RB1: variants seen among roughly 807,000 people sequenced by gnomAD.
The protein encoded by RB1 is RB transcriptional corepressor 1.
A neutral mutation model predicts 135.4 loss-of-function variants in RB1; 18 were observed. That is an observed-to-expected ratio of 0.13 (90% CI 0.09 to 0.20). RB1 has a LOEUF of 0.20. Ranked by LOEUF, RB1 falls within the 10% of genes least tolerant of loss-of-function variation. The pLI is 1.00. For synonymous variants in RB1, 365 were observed against 373.2 expected (o/e 0.98, Z 0.25); for missense variants, 868 against 1,110.0 (o/e 0.78, Z 3.10).
intron 17 of RB1, among the ~76,000 whole-genome samples, chr13:48,409,852 T>G (rs1344433722): frequency 6.6e-6 from 1 of 152,126 alleles, no homozygotes; most frequent in Non-Finnish European, 1.5e-5. Context: ...GTGCTAGGAT[T>G]ACAGGTGTGA....
chr13:48,314,777 G>A (rs1454750787), intron 2 of RB1, among the ~76,000 whole-genome samples: 2 of 103,296 alleles, frequency 1.9e-5, no homozygotes, highest in East Asian at 2.8e-4. Context: ...CTCCAGCCTG[G>A]GCAAAAAAAA....
At chr13:48,478,165 T>C (rs1949515516) in intron 26 of RB1, among the ~76,000 whole-genome samples, 1 of 152,170 alleles carries the variant, frequency 6.6e-6, no homozygotes, top group African/African-American at 2.4e-5. Flanking sequence ...GAGATAGGTG[T>C]TAAAACAATC....
At chr13:48,392,303 G>GT (rs1356688420) in intron 17 of RB1, among the ~76,000 whole-genome samples, 1 of 151,952 alleles carries the variant, frequency 6.6e-6, no homozygotes, top group Non-Finnish European at 1.5e-5. Flanking sequence ...TAAAGATGGG[G>GT]TTTCACCATG....
chr13:48,396,294 A>C (rs967661594), intron 17 of RB1, among the ~76,000 whole-genome samples: 1 of 152,086 alleles, frequency 6.6e-6, no homozygotes, highest in Non-Finnish European at 1.5e-5. Flanking sequence ...GGTACCAAAA[A>C]AGATAAATAA....
chr13:48,394,312 C>T (rs1043884548), intron 17 of RB1, among the ~76,000 whole-genome samples: 5 of 152,182 alleles, frequency 3.3e-5, no homozygotes, highest in Admixed American at 6.5e-5. Context: ...GTTTCAAGCA[C>T]AAAACTGGGC....
chr13:48,360,316 G>A (rs1236804838), intron 7 of RB1, 189 bp downstream of exon 7: 4 of 1,277,666 alleles, frequency 3.1e-6, no homozygotes, highest in African/African-American at 1.5e-5. Flanking sequence ...TAGAGTATAT[G>A]GTAGAAAGTG....
chr13:48,342,766 T>G (rs1952458511), intron 3 of RB1, 52 bp downstream of exon 3: 6 of 1,255,724 alleles, frequency 4.8e-6, no homozygotes, highest in East Asian at 2.3e-5. Flanking sequence ...AAACGAATTC[T>G]GGATTTTCCT....
chr13:48,403,535 G>T (rs1201978927), intron 17 of RB1, among the ~76,000 whole-genome samples: 1 of 152,174 alleles, frequency 6.6e-6, no homozygotes, highest in Non-Finnish European at 1.5e-5. Context: ...GTGGAAGTGG[G>T]AGTCTTAGAG....
rs753520981 is a variant in RB1, at chr13:48,380,207, G to T, written c.1464G>T (p.Ala488=). ...NDNIFHMSLL[A]CALEVVMATY... ...ACATTTTTCATATGTCTTTATTGGC[G>T]TGCGCTCTTGAGGTTGTAATGGCCA... The change falls in exon 16 of 27, where the codon GCG becomes GCT. Residue 488 remains alanine, a synonymous_variant. Transcript: ENST00000267163. The T allele has an allele frequency of 1.9e-6, 3 of 1,603,190 alleles. No individual in the cohort carries two copies. In the East Asian group the frequency reaches 6.7e-5, roughly 36 times the overall value.
At chr13:48,420,122 G>C (rs565158612) in intron 17 of RB1, among the ~76,000 whole-genome samples, 2 of 152,058 alleles carry the variant, frequency 1.3e-5, no homozygotes, top group East Asian at 3.8e-4. Context: ...GATGAATATC[G>C]ACGTGAAAAC....
At chr13:48,332,139 A>C (rs895408265) in intron 2 of RB1, among the ~76,000 whole-genome samples, 2 of 152,218 alleles carry the variant, frequency 1.3e-5, no homozygotes, top group Non-Finnish European at 2.9e-5. Flanking sequence ...AGAAAGACAA[A>C]TACTGCATGA....
Position 48,473,404 on chromosome 13 carries a change from T to C in RB1, c.2520+14T>C. The C allele has an allele frequency of 2.6e-6, 4 of 1,546,596 alleles. No homozygotes were observed. The highest frequency in any genetic ancestry group is 3.6e-6 in the Non-Finnish European group (4 of 1,120,752). On this transcript the variant is annotated intron_variant, in intron 24 of 26. Transcript: ENST00000267163. ...GAATCATTCGGGGTGAGTATTTTCT[T>C]TCTATGAAATATAATAGTATGCATT...
chr13:48,405,470 G>T (rs2138187347), intron 17 of RB1, among the ~76,000 whole-genome samples: 2 of 152,202 alleles, frequency 1.3e-5, no homozygotes, highest in Non-Finnish European at 2.9e-5. Context: ...TCCCATCCTT[G>T]TTGGCCCATA....
intron 20 of RB1, among the ~76,000 whole-genome samples, chr13:48,463,367 T>C (rs1949417396): frequency 6.6e-6 from 1 of 152,184 alleles, no homozygotes; most frequent in Non-Finnish European, 1.5e-5. Context: ...TTCAATATTA[T>C]TTTATCTAAT....
At chr13:48,316,317 T>A (rs1293259295) in intron 2 of RB1, among the ~76,000 whole-genome samples, 1 of 151,478 alleles carries the variant, frequency 6.6e-6, no homozygotes, top group East Asian at 1.9e-4. Flanking sequence ...CCTGCGAGCT[T>A]CCCGACGGAC....
intron 20 of RB1, among the ~76,000 whole-genome samples, chr13:48,463,346 C>T (rs1230150499): frequency 6.6e-6 from 1 of 152,224 alleles, no homozygotes; most frequent in Non-Finnish European, 1.5e-5. Flanking sequence ...TTACCACCAC[C>T]ACCAAGTGTG....
At chr13:48,417,179 C>T (rs1791731705) in intron 17 of RB1, 2 of 152,496 alleles carry the variant, frequency 1.3e-5, no homozygotes, top group Admixed American at 1.3e-4. Flanking sequence ...AGGAGAGCTC[C>T]AGCTGCCGTC....
chr13:48,403,793 G>A (rs994384633), intron 17 of RB1, among the ~76,000 whole-genome samples: 1 of 152,074 alleles, frequency 6.6e-6, no homozygotes, highest in East Asian at 1.9e-4. Context: ...CACTTTGTGA[G>A]CAACATTTTA....
At chr13:48,419,233 C>G (rs1292844827) in intron 17 of RB1, among the ~76,000 whole-genome samples, 5 of 152,192 alleles carry the variant, frequency 3.3e-5, no homozygotes, top group Admixed American at 2.6e-4. Context: ...TTAAGAAACT[C>G]ACTCAAACCT....
Sources: gnomAD v4.1 joint callset for allele counts (sites outside exome capture counted in the v4.1 genomes callset) on GRCh38, gnomAD v4.1.1 for gene constraint, MANE v1.5 for transcripts, NCBI Gene and HGNC (gene_info 2026-07-23, HGNC 2026-07-21) for gene names.